The following SPHK1 variants were observed in gnomAD, a reference collection of about 807,000 sequenced individuals.
The protein encoded by SPHK1 is SK 1.
In SPHK1, 10 loss-of-function variants were observed where a neutral mutation model predicts 14.6. The ratio of observed to expected loss-of-function variants is 0.68; its 90% CI spans 0.42 to 1.16. The LOEUF is 1.16. Ranked by LOEUF, SPHK1 falls within the 50% of genes most tolerant of loss-of-function variation. The pLI, the probability that SPHK1 is intolerant of heterozygous loss-of-function variation, is 0.00. For missense variants in SPHK1, 553 were observed against 525.4 expected (o/e 1.05, Z -0.51); for synonymous variants, 274 against 224.0 (o/e 1.22, Z -1.99).
chr17:76,387,667 C>G lies in SPHK1; in HGVS notation c.*81C>G. On this transcript the variant is annotated 3_prime_UTR_variant, in exon 6 of 6. Coordinates refer to ENST00000592299, the MANE Select transcript of SPHK1 (RefSeq NM_001142601.2). This position sits in a 1 kb window ranked among gnomAD's most constrained non-coding sequence, Gnocchi z 4.1. ...AGGGCTGCAGGGCCTGTCCACAGCT[C>G]CTGTGGGGGTGGAGGAGACTCCTCT... 1 of 1,411,872 alleles carries G rather than the reference C, an allele frequency of 7.1e-7. No homozygotes were observed. The highest frequency in any genetic ancestry group is 9.5e-7 in the Non-Finnish European group (1 of 1,056,856). The allele number at this position is 1,411,872 out of a possible 1,614,324, so 87.5% of individuals were successfully genotyped here. A position where few individuals can be genotyped will look rare whatever the true frequency, so the allele number is the denominator to read the frequency against.
At position 76,385,255 on chromosome 17, in the gene SPHK1, C is replaced by T. The variant is rs1485764141; in HGVS notation, c.-194-196C>T. 3 of 1,518,094 alleles carry T rather than the reference C, an allele frequency of 2.0e-6. No homozygotes were observed. The highest frequency in any genetic ancestry group is 2.5e-5 in the South Asian group (2 of 80,850). The allele number at this position is 1,518,094 out of a possible 1,614,324, so 94.0% of individuals were successfully genotyped here. On this transcript the variant is annotated intron_variant, in intron 1 of 5. Coordinates refer to ENST00000592299, the MANE Select transcript of SPHK1 (RefSeq NM_001142601.2). This position sits in a 1 kb window ranked among gnomAD's most constrained non-coding sequence, Gnocchi z 5.3. ...CGAACCCCAAGCCCCAGGGAGAAAGCCCCGGAGCAGGCGCCCTTCTCAGGG... is the reference window on the plus strand; with the variant it reads ...CGAACCCCAAGCCCCAGGGAGAAAGTCCCGGAGCAGGCGCCCTTCTCAGGG...
chr17:76,385,414 GC>G lies in SPHK1; in HGVS notation c.-194-33del. Reference sequence around the variant, plus strand: ...GCGCTCCCCACCTCTGGCAGCTGCGGCCCCGGACTCCGCCAGCGCTGTCTTC... The same window carrying G: ...GCGCTCCCCACCTCTGGCAGCTGCGGCCCGGACTCCGCCAGCGCTGTCTTC... On this transcript the variant is annotated intron_variant, in intron 1 of 5. Coordinates refer to ENST00000592299, the MANE Select transcript of SPHK1 (RefSeq NM_001142601.2). The surrounding 1 kb of genome is among the most constrained non-coding windows in gnomAD (Gnocchi z 5.3). The G allele has an allele frequency of 1.3e-6, 2 of 1,486,120 alleles. No individual in the cohort carries two copies. The highest frequency in any genetic ancestry group is 1.8e-6 in the Non-Finnish European group (2 of 1,121,688). 92.1% of individuals were successfully genotyped at this position (1,486,120 alleles called of 1,614,324 possible).
At chr17:76,384,877 A>C in intron 1 of SPHK1, 71 bp downstream of exon 1, 2 of 426,540 alleles carry the variant, frequency 4.7e-6, no homozygotes, top group Non-Finnish European at 8.2e-6. Flanking sequence ...GGCCCCGGGA[A>C]CTGGGCCACT....
At chr17:76,384,004 T>TA (rs2071913754), upstream of SPHK1, 1 of 573,728 alleles carries the variant, frequency 1.7e-6, no homozygotes, top group African/African-American at 2.1e-5. Context: ...GTCGGGAAGT[T>TA]AAAAATAACC....
In SPHK1 at chr17:76,386,157, G is replaced by T. The variant is rs1171133577; in HGVS notation, c.163+20G>T. 8 of 1,589,940 alleles carry T rather than the reference G, an allele frequency of 5.0e-6. No individual in the cohort carries two copies. The highest frequency in any genetic ancestry group is 6.8e-6 in the Non-Finnish European group (8 of 1,169,700). ...TCACTGGTGAGTACCTCTCGGAGGG[G>T]GTTTCGGGAGCATCCCCTGGCAGGG... On this transcript the variant is annotated intron_variant, in intron 3 of 5. Coordinates refer to ENST00000592299, the MANE Select transcript of SPHK1 (RefSeq NM_001142601.2). The surrounding 1 kb of genome is among the most constrained non-coding windows in gnomAD (Gnocchi z 5.3).
chr17:76,385,854 G>A lies in SPHK1; in HGVS notation c.11-131G>A. 3.4e-6 allele frequency: 5 copies of A among 1,489,814 alleles called. No individual in the cohort carries two copies. The highest frequency in any genetic ancestry group is 4.5e-6 in the Non-Finnish European group (5 of 1,113,940). The allele number at this position is 1,489,814 out of a possible 1,614,324, so 92.3% of individuals were successfully genotyped here. On this transcript the variant is annotated intron_variant, in intron 2 of 5. Coordinates refer to ENST00000592299, the MANE Select transcript of SPHK1 (RefSeq NM_001142601.2). This position sits in a 1 kb window ranked among gnomAD's most constrained non-coding sequence, Gnocchi z 5.3. ...TCCCCACCCCAGGTCTCCCAGCAAA[G>A]GCCGCTCCTCTGGCCAGGGTCAATT...
In SPHK1 at chr17:76,386,375, C is replaced by T. The variant is rs748417197; in HGVS notation, c.259-18C>T. ...TGGCGCGGTGCGTCCCAGGCTGAGG[C>T]CACGTGTGCTTCAACAGGTGGTGAA... On this transcript the variant is annotated intron_variant, in intron 4 of 5. Coordinates refer to ENST00000592299, the MANE Select transcript of SPHK1 (RefSeq NM_001142601.2). The surrounding 1 kb of genome is among the most constrained non-coding windows in gnomAD (Gnocchi z 5.3). The T allele has an allele frequency of 1.5e-5, 24 of 1,608,202 alleles. No individual in the cohort carries two copies. The Admixed American group carries it at 3.8e-4, about 26-fold the overall frequency.
rs1207573786 is a variant in SPHK1 at position 76,385,916 on chromosome 17, G to GA, written c.11-69_11-68insA. 3 of 1,531,256 alleles carry GA rather than the reference G, an allele frequency of 2.0e-6. No homozygotes were observed. Among genetic ancestry groups the GA allele is most frequent in the Non-Finnish European group, 2.6e-6 (3 of 1,135,794 alleles). The allele number at this position is 1,531,256 out of a possible 1,614,324, so 94.9% of individuals were successfully genotyped here. A position where few individuals can be genotyped will look rare whatever the true frequency, so the allele number is the denominator to read the frequency against. On this transcript the variant is annotated intron_variant, in intron 2 of 5. Coordinates refer to ENST00000592299, the MANE Select transcript of SPHK1 (RefSeq NM_001142601.2). This position sits in a 1 kb window ranked among gnomAD's most constrained non-coding sequence, Gnocchi z 5.3. ...TCGGGCACCAAGTTCCCACACTAGTGCCCCATTGTTACCCGTGGCCCCCTA... is the reference window on the plus strand; with the variant it reads ...TCGGGCACCAAGTTCCCACACTAGTGACCCCATTGTTACCCGTGGCCCCCTA...
chr17:76,387,294 T>A lies in SPHK1; in HGVS notation c.863T>A (p.Phe288Tyr). Residue 288 changes from phenylalanine to tyrosine, a missense_variant, in exon 6 of 6, where the codon TTC (phenylalanine) becomes TAC (tyrosine). Coordinates refer to ENST00000592299, the MANE Select transcript of SPHK1 (RefSeq NM_001142601.2). This position sits in a 1 kb window ranked among gnomAD's most constrained non-coding sequence, Gnocchi z 4.1. ...TGTGCAGCTGGCGTCATGCATCTGT[T>A]CTACGTGCGGGCGGGAGTGTCTCGT... ...GRCAAGVMHL[F>Y]YVRAGVSRAM... 6.2e-7 allele frequency: 1 copy of A among 1,613,568 alleles called. No homozygotes were observed.
Position 76,386,259 on chromosome 17 carries a change from G to A in SPHK1, c.202G>A (p.Glu68Lys), listed in dbSNP as rs767153939. ...NHARELVRSE[E>K]LGRWDALVVM... is the part of the protein sequence containing the mutation. ...CGCGCGGGAGCTGGTGCGGTCGGAG[G>A]AGCTGGGCCGCTGGGACGCTCTGGT... The change falls in exon 4 of 6, where the codon GAG becomes AAG. Residue 68 changes from glutamate (E) to lysine (K), a missense_variant. By Grantham distance (56) the Glu-to-Lys change is moderately conservative. Coordinates refer to ENST00000592299, the MANE Select transcript of SPHK1 (RefSeq NM_001142601.2). This position sits in a 1 kb window ranked among gnomAD's most constrained non-coding sequence, Gnocchi z 5.3. The A allele has an allele frequency of 8.8e-6, 14 of 1,596,124 alleles. 1 individual carries two copies. The South Asian group carries it at 1.2e-4, about 14-fold the overall frequency.
rs1302777504 is a variant in SPHK1 at position 76,384,645 on chromosome 17, TGAGCGAAAAGTTTGAGGCCG to T, written c.-352_-333del. ...CGCTCCGCGGCGCCGGCTGCGAAGT[TGAGCGAAAAGTTTGAGGCCG>T]GAGGGAGCGAGGCCGGGGAGTCCGC... On this transcript the variant is annotated 5_prime_UTR_variant, in exon 1 of 6. Coordinates refer to ENST00000592299, the MANE Select transcript of SPHK1 (RefSeq NM_001142601.2). 2 of 152,704 alleles carry T rather than the reference TGAGCGAAAAGTTTGAGGCCG, an allele frequency of 1.3e-5. No individual in the cohort carries two copies. The highest frequency in any genetic ancestry group is 2.9e-5 in the Non-Finnish European group (2 of 68,478). 9.5% of individuals were successfully genotyped at this position (152,704 alleles called of 1,614,324 possible).
In SPHK1 at chr17:76,386,681, C is replaced by A; in HGVS notation, c.375-125C>A. ...CTGCTTCCATTTGCTCCATCTGTCACCTACCAGTCCTGCCAACTCCCCAGG... is the reference window on the plus strand; with the variant it reads ...CTGCTTCCATTTGCTCCATCTGTCAACTACCAGTCCTGCCAACTCCCCAGG... On this transcript the variant is annotated intron_variant, in intron 5 of 5. Transcript: ENST00000592299. The surrounding 1 kb of genome is among the most constrained non-coding windows in gnomAD (Gnocchi z 5.3). 8.0e-7 allele frequency: 1 copy of A among 1,248,368 alleles called. No homozygotes were observed. Among genetic ancestry groups the A allele is most frequent in the Non-Finnish European group, 1.1e-6 (1 of 906,020 alleles). The allele number at this position is 1,248,368 out of a possible 1,614,324, so 77.3% of individuals were successfully genotyped here.
Position 76,386,026 on chromosome 17 carries a change from C to T in SPHK1, c.52C>T (p.Leu18=). The T allele has an allele frequency of 2.5e-6, 4 of 1,606,304 alleles. No individual in the cohort carries two copies. The highest frequency in any genetic ancestry group is 3.4e-6 in the Non-Finnish European group (4 of 1,176,130). Residue 18 remains leucine, a synonymous_variant, in exon 3 of 6, where the codon CTG becomes TTG. Coordinates refer to ENST00000592299, the MANE Select transcript of SPHK1 (RefSeq NM_001142601.2). The surrounding 1 kb of genome is among the most constrained non-coding windows in gnomAD (Gnocchi z 5.3). The stretch of plus-strand genomic sequence containing the variant: ...CGTGCTCCCGCGGCCCTGCCGCGTG[C>T]TGGTGCTGCTGAACCCGCGCGGCGG... ...RGVLPRPCRV[L]VLLNPRGGKG...
chr17:76,384,886 C>T (rs1170813077), intron 1 of SPHK1, 80 bp downstream of exon 1: 5 of 468,978 alleles, frequency 1.1e-5, no homozygotes, highest in African/African-American at 1.0e-4. Context: ...AACTGGGCCA[C>T]TTGTCGCTTG....
rs749337120 is a variant in SPHK1, at chr17:76,387,467, G to T, written c.1036G>T (p.Val346Phe). 24 of 1,613,564 alleles carry T rather than the reference G, an allele frequency of 1.5e-5. No homozygotes were observed. The highest frequency in any genetic ancestry group is 1.8e-5 in the Non-Finnish European group (21 of 1,180,024). ...GVFAVDGELM[V>F]SEAVQGQVHP... Reference sequence around the variant, plus strand: ...GTTTGCAGTGGATGGGGAATTGATGGTTAGCGAGGCCGTGCAGGGCCAGGT... The same window carrying T: ...GTTTGCAGTGGATGGGGAATTGATGTTTAGCGAGGCCGTGCAGGGCCAGGT... Residue 346 changes from valine (V) to phenylalanine (F), a missense_variant, in exon 6 of 6, where the codon GTT becomes TTT. Physicochemically the swap from Val to Phe is conservative, Grantham distance 50. Transcript: ENST00000592299. This position sits in a 1 kb window ranked among gnomAD's most constrained non-coding sequence, Gnocchi z 4.1.
rs1048046176 is a variant in SPHK1, at chr17:76,385,014, C to T, written c.-195+208C>T. ...GAGCGGGGCCCTGAGAAGCGCGCGC[C>T]GCGGCTCCCACCGCTCTGGAGCTCC... On this transcript the variant is annotated intron_variant, in intron 1 of 5. Coordinates refer to ENST00000592299, the MANE Select transcript of SPHK1 (RefSeq NM_001142601.2). This position sits in a 1 kb window ranked among gnomAD's most constrained non-coding sequence, Gnocchi z 5.3. The T allele has an allele frequency of 1.4e-6, 2 of 1,437,570 alleles. No individual in the cohort carries two copies. Among genetic ancestry groups the T allele is most frequent in the East Asian group, 2.7e-5 (1 of 36,732 alleles). 89.1% of individuals were successfully genotyped at this position (1,437,570 alleles called of 1,614,324 possible).
In SPHK1 at chr17:76,387,518, A is replaced by G; in HGVS notation, c.1087A>G (p.Ser363Gly). 2 of 1,612,054 alleles carry G rather than the reference A, an allele frequency of 1.2e-6. No homozygotes were observed. The highest frequency in any genetic ancestry group is 1.7e-6 in the Non-Finnish European group (2 of 1,179,706). Residue 363 changes from serine (S) to glycine (G), a missense_variant, in exon 6 of 6, where the codon AGC (serine) becomes GGC (glycine). Coordinates refer to ENST00000592299, the MANE Select transcript of SPHK1 (RefSeq NM_001142601.2). The surrounding 1 kb of genome is among the most constrained non-coding windows in gnomAD (Gnocchi z 4.1). ...QVHPNYFWMV[S>G]GCVEPPPSWK... The stretch of plus-strand genomic sequence containing the variant: ...GCACCCAAACTACTTCTGGATGGTC[A>G]GCGGTTGCGTGGAGCCCCCGCCCAG...
chr17:76,387,544 C>T lies in SPHK1; in HGVS notation c.1113C>T (p.Ser371=). 1 of 1,606,520 alleles carries T rather than the reference C, an allele frequency of 6.2e-7. No individual in the cohort carries two copies. The highest frequency in any genetic ancestry group is 8.5e-7 in the Non-Finnish European group (1 of 1,177,580). The change falls in exon 6 of 6, where the codon AGC becomes AGT. Residue 371 remains serine (S), a synonymous_variant. Transcript: ENST00000592299. This position sits in a 1 kb window ranked among gnomAD's most constrained non-coding sequence, Gnocchi z 4.1. ...MVSGCVEPPP[S]WKPQQMPPPE... ...GCGGTTGCGTGGAGCCCCCGCCCAG[C>T]TGGAAGCCCCAGCAGATGCCACCGC...
At position 76,385,398 on chromosome 17, in the gene SPHK1, A is replaced by G. The variant is rs1267748559; in HGVS notation, c.-194-53A>G. 4 of 1,468,034 alleles carry G rather than the reference A, an allele frequency of 2.7e-6. No homozygotes were observed. The South Asian group carries it at 5.3e-5, about 20-fold the overall frequency. 90.9% of individuals were successfully genotyped at this position (1,468,034 alleles called of 1,614,324 possible). On this transcript the variant is annotated intron_variant, in intron 1 of 5. Transcript: ENST00000592299. The surrounding 1 kb of genome is among the most constrained non-coding windows in gnomAD (Gnocchi z 5.3). The stretch of plus-strand genomic sequence containing the variant: ...CCCGGGATTTAGTCGGGCGCTCCCC[A>G]CCTCTGGCAGCTGCGGCCCCGGACT...
Sources: allele counts gnomAD v4.1 joint callset, GRCh38; gene constraint gnomAD v4.1.1; non-coding constraint Gnocchi (gnomAD v3.1); transcripts MANE v1.5; gene names NCBI Gene and HGNC (gene_info 2026-07-23, HGNC 2026-07-21).